Variants in PRICKLE1 observed in about 807,000 individuals in gnomAD.
The protein encoded by PRICKLE1 is prickle planar cell polarity protein 1.
PRICKLE1 carries 14 observed loss-of-function variants against 70.2 expected under a neutral mutation model. The observed-to-expected ratio is 0.20, with a 90% CI of 0.13 to 0.31. PRICKLE1 has a LOEUF of 0.31. Ranked by LOEUF, PRICKLE1 falls within the 10% of genes least tolerant of loss-of-function variation. PRICKLE1 has a pLI of 1.00. For missense variants in PRICKLE1, 821 were observed against 1,026.2 expected, an observed-to-expected ratio of 0.80 and a Z score of 2.73; for synonymous variants, 357 against 379.9, an observed-to-expected ratio of 0.94 and a Z score of 0.70.
intron 1 of PRICKLE1, among the ~76,000 whole-genome samples, chr12:42,521,435 C>T (rs1487745837): frequency 6.6e-6 from 1 of 152,154 alleles, no homozygotes; most frequent in Non-Finnish European, 1.5e-5. Context: ...TGCAGTGGCT[C>T]ATACCTGTAA....
chr12:42,491,511 T>G (rs1939104543), intron 1 of PRICKLE1, among the ~76,000 whole-genome samples: 2 of 151,636 alleles, frequency 1.3e-5, no homozygotes, highest in Admixed American at 1.3e-4. Context: ...CGAGATCACA[T>G]CATTGCACTC....
In PRICKLE1 at chr12:42,589,499, C is replaced by G. The variant is rs1941043558; in HGVS notation, c.-83G>C. On this transcript the variant is annotated 5_prime_UTR_variant, in exon 1 of 8. Coordinates refer to ENST00000345127, the MANE Select transcript of PRICKLE1 (RefSeq NM_153026.3). The surrounding 1 kb of genome is among the most constrained non-coding windows in gnomAD (Gnocchi z 5.0). ...GGGAGACGCAACTCGGCTGCACTGTCCTCGGCGCCGCTGCGGGGCTGCTGG... is the reference window on the plus strand; with the variant it reads ...GGGAGACGCAACTCGGCTGCACTGTGCTCGGCGCCGCTGCGGGGCTGCTGG... 1 of 153,556 alleles carries G rather than the reference C, an allele frequency of 6.5e-6. No individual in the cohort carries two copies. The highest frequency in any genetic ancestry group is 1.5e-5 in the Non-Finnish European group (1 of 68,896). The allele number at this position is 153,556 out of a possible 1,614,324, so 9.5% of individuals were successfully genotyped here. A position where few individuals can be genotyped will look rare whatever the true frequency, so the allele number is the denominator to read the frequency against.
At chr12:42,522,772 C>T (rs921543073) in intron 1 of PRICKLE1, among the ~76,000 whole-genome samples, 17 of 151,986 alleles carry the variant, frequency 1.1e-4, no homozygotes, top group East Asian at 7.7e-4. Flanking sequence ...TTTTTTAAAG[C>T]GGAAAATTGG....
Position 42,466,190 on chromosome 12 carries a change from T to C in PRICKLE1, c.775+4A>G. On this transcript the variant is annotated splice_donor_region_variant and intron_variant, in intron 6 of 7. Coordinates refer to ENST00000345127, the MANE Select transcript of PRICKLE1 (RefSeq NM_153026.3). The stretch of plus-strand genomic sequence containing the variant: ...CAGGGCAGACGGGCTGGCTGTGGAC[T>C]TACCAATATGTTCCCCACAGGTTTC... The C allele has an allele frequency of 6.2e-7, 1 of 1,614,148 alleles. No homozygotes were observed. Among genetic ancestry groups the C allele is most frequent in the East Asian group, 2.2e-5 (1 of 44,892 alleles).
chr12:42,468,318 G>A (rs1467517592), intron 5 of PRICKLE1, among the ~76,000 whole-genome samples: 5 of 152,074 alleles, frequency 3.3e-5, no homozygotes, highest in Admixed American at 3.3e-4. Flanking sequence ...ATGCTCTTCT[G>A]CAGCTTGTAT....
intron 1 of PRICKLE1, among the ~76,000 whole-genome samples, chr12:42,524,240 A>G (rs1320151279): frequency 1.3e-5 from 2 of 152,192 alleles, no homozygotes; most frequent in African/African-American, 4.8e-5. Flanking sequence ...AAAGGACAGT[A>G]AGTCCAAGCA....
intron 1 of PRICKLE1, among the ~76,000 whole-genome samples, chr12:42,514,654 T>C (rs936338694): frequency 6.6e-6 from 1 of 152,140 alleles, no homozygotes; most frequent in Non-Finnish European, 1.5e-5. Context: ...AGAAAGTTTG[T>C]TTGCCCCTCG....
intron 1 of PRICKLE1, among the ~76,000 whole-genome samples, chr12:42,560,720 T>C (rs1334026347): frequency 6.6e-6 from 1 of 151,630 alleles, no homozygotes; most frequent in African/African-American, 2.4e-5. Context: ...CATCTAATTC[T>C]AGAAAAAAAA....
chr12:42,544,789 G>A (rs1164178066), intron 1 of PRICKLE1, among the ~76,000 whole-genome samples: 3 of 152,138 alleles, frequency 2.0e-5, no homozygotes, highest in African/African-American at 7.2e-5. Context: ...GCTGCTGAAG[G>A]CAATCACTTT....
intron 1 of PRICKLE1, among the ~76,000 whole-genome samples, chr12:42,499,817 T>C (rs960486079): frequency 6.6e-6 from 1 of 152,122 alleles, no homozygotes; most frequent in Non-Finnish European, 1.5e-5. Context: ...AACCTCTGCC[T>C]CCCGGGTTCA....
At chr12:42,470,203 T>C (rs1182083127) in intron 3 of PRICKLE1, 43 bp downstream of exon 3, 1 of 1,379,730 alleles carries the variant, frequency 7.2e-7, no homozygotes, top group Non-Finnish European at 1.0e-6. Flanking sequence ...TCTCATGCAT[T>C]TTTTCTTCTT....
intron 1 of PRICKLE1, among the ~76,000 whole-genome samples, chr12:42,525,608 T>G (rs1939787157): frequency 6.6e-6 from 1 of 152,144 alleles, no homozygotes; most frequent in Admixed American, 6.5e-5. Flanking sequence ...ACTGATTGAC[T>G]GGTTGTTGGC....
At chr12:42,552,821 C>T (rs1382085394) in intron 1 of PRICKLE1, among the ~76,000 whole-genome samples, 1 of 152,196 alleles carries the variant, frequency 6.6e-6, no homozygotes, top group Non-Finnish European at 1.5e-5. Flanking sequence ...GCACCAGGGA[C>T]CCGTTTCATG....
chr12:42,580,445 A>G (rs1176085212), intron 1 of PRICKLE1, among the ~76,000 whole-genome samples: 2 of 152,218 alleles, frequency 1.3e-5, no homozygotes, highest in Non-Finnish European at 2.9e-5. Flanking sequence ...AATACAATAA[A>G]TGCACCATGG....
At chr12:42,509,603 A>T (rs1002964047) in intron 1 of PRICKLE1, among the ~76,000 whole-genome samples, 1 of 152,154 alleles carries the variant, frequency 6.6e-6, no homozygotes, top group Admixed American at 6.6e-5. Context: ...AAGGAACTGG[A>T]CAAAGGTTTG....
chr12:42,526,197 A>G (rs750331047), intron 1 of PRICKLE1, among the ~76,000 whole-genome samples: 1 of 152,110 alleles, frequency 6.6e-6, no homozygotes, highest in African/African-American at 2.4e-5. Flanking sequence ...ATTCATGGGT[A>G]TTTCTTGGCA....
At chr12:42,567,119 G>A (rs373305507) in intron 1 of PRICKLE1, among the ~76,000 whole-genome samples, 6 of 152,282 alleles carry the variant, frequency 3.9e-5, no homozygotes, top group Non-Finnish European at 8.8e-5. Flanking sequence ...AGCTCCTTAC[G>A]CCAAGTATAC....
At chr12:42,484,893 T>C (rs542127095) in intron 1 of PRICKLE1, among the ~76,000 whole-genome samples, 234 of 152,336 alleles carry the variant, frequency 1.5e-3, no homozygotes, top group African/African-American at 5.2e-3. Context: ...GTTTCCACTA[T>C]AGCCTCCTTA....
At chr12:42,540,505 A>G (rs964699638) in intron 1 of PRICKLE1, among the ~76,000 whole-genome samples, 1 of 152,186 alleles carries the variant, frequency 6.6e-6, no homozygotes, top group Non-Finnish European at 1.5e-5. Context: ...ATGAATGCTA[A>G]TTATTTTTTA....
Sources: allele counts gnomAD v4.1 joint callset (sites outside exome capture counted in the v4.1 genomes callset), GRCh38; gene constraint gnomAD v4.1.1; non-coding constraint Gnocchi (gnomAD v3.1); transcripts MANE v1.5; gene names NCBI Gene and HGNC (gene_info 2026-07-23, HGNC 2026-07-21).